Variants in TOPORS observed in about 807,000 individuals in gnomAD.
TOPORS encodes TOP1 binding arginine/serine rich protein, E3 ubiquitin ligase.
Under a neutral mutation model 81.4 loss-of-function variants are expected in TOPORS, and 25 were observed. That is an observed-to-expected ratio of 0.31 (90% CI 0.22 to 0.43). TOPORS has a LOEUF of 0.43. Ranked by LOEUF, TOPORS falls within the 20% of genes least tolerant of loss-of-function variation. The pLI, the probability that TOPORS is intolerant of heterozygous loss-of-function variation, is 1.00. For synonymous variants in TOPORS, 473 were observed against 456.6 expected, an observed-to-expected ratio of 1.04 and a Z score of -0.46; for missense variants, 1,101 against 1,267.0, an observed-to-expected ratio of 0.87 and a Z score of 1.99.
At chr9:32,551,299 G>T (rs915999980) in intron 1 of TOPORS, 2 of 486,460 alleles carry the variant, frequency 4.1e-6, no homozygotes, top group Admixed American at 3.3e-5. Flanking sequence ...AAACTCTGCG[G>T]AAACTTAGGA....
intron 2 of TOPORS, 111 bp downstream of exon 2, chr9:32,550,663 C>G (rs1282248524): frequency 4.7e-6 from 6 of 1,285,572 alleles, no homozygotes; most frequent in Non-Finnish European, 5.5e-6. Flanking sequence ...CCCGGACAGC[C>G]CCGCAGGCCA....
In TOPORS at chr9:32,544,011, C is replaced by CA; in HGVS notation, c.513dup (p.Val172CysfsTer4). 2 of 1,614,104 alleles carry CA rather than the reference C, an allele frequency of 1.2e-6. No homozygotes were observed. The highest frequency in any genetic ancestry group is 1.7e-6 in the Non-Finnish European group (2 of 1,180,024). ...TAGCGAAATCGTCGATCAGGGGTGA[C>CA]AAAAGAACCATTATACGAAGGCCTT... On this transcript the variant is annotated frameshift_variant, in exon 3 of 3. Transcript: ENST00000360538. LOFTEE classifies it high-confidence loss of function.
At chr9:32,551,839 T>G in intron 1 of TOPORS, 1 of 449,724 alleles carries the variant, frequency 2.2e-6, no homozygotes, top group Non-Finnish European at 4.5e-6. Context: ...TTCTTAGAGA[T>G]ATACATTACG....
In TOPORS at chr9:32,543,604, A is replaced by G; in HGVS notation, c.921T>C (p.Leu307=). The change falls in exon 3 of 3, where the codon CTT becomes CTC. Residue 307 remains leucine (L), a synonymous_variant. Coordinates refer to ENST00000360538, the MANE Select transcript of TOPORS (RefSeq NM_005802.5). This position sits in a 1 kb window ranked among gnomAD's most constrained non-coding sequence, Gnocchi z 5.6. ...TCACTAAAGATCCATGAGCTCCAAA[A>G]AGAACTGTAAGTTCACGTTTTAACC... ...VPWLKRELTV[L]FGAHGSLVNI... 1 of 1,611,680 alleles carries G rather than the reference A, an allele frequency of 6.2e-7. No homozygotes were observed. Among genetic ancestry groups the G allele is most frequent in the Non-Finnish European group, 8.5e-7 (1 of 1,178,816 alleles).
chr9:32,542,218 T>G lies in TOPORS; in HGVS notation c.2307A>C (p.Ser769=). The change falls in exon 3 of 3, where the codon TCA becomes TCC. Residue 769 remains serine, a synonymous_variant. Coordinates refer to ENST00000360538, the MANE Select transcript of TOPORS (RefSeq NM_005802.5). ...TTGATCTGTTACTAGACAGGCTCCT[T>G]GATCTGTGCCTTTCATAGTAGTAAT... ...RKYYYYERHR[S]RSLSSNRSRT... 1 of 1,614,228 alleles carries G rather than the reference T, an allele frequency of 6.2e-7. No individual in the cohort carries two copies. The highest frequency in any genetic ancestry group is 1.3e-5 in the African/African-American group (1 of 75,060).
In TOPORS at chr9:32,544,117, A is replaced by G; in HGVS notation, c.408T>C (p.Ala136=). 6.2e-7 allele frequency: 1 copy of G among 1,614,198 alleles called. No homozygotes were observed. Among genetic ancestry groups the G allele is most frequent in the South Asian group, 1.1e-5 (1 of 91,086 alleles). Reference sequence around the variant, plus strand: ...AGGGCTGTTTACATAGTGGGCATTCAGCTTTGTTTTTTGACCACTCCTGTA... The same window carrying G: ...AGGGCTGTTTACATAGTGGGCATTCGGCTTTGTTTTTTGACCACTCCTGTA... ...RCVQEWSKNK[A]ECPLCKQPFD... is the part of the protein sequence containing the mutation. Residue 136 remains alanine (A), a synonymous_variant, in exon 3 of 3, where the codon GCT becomes GCC. Transcript: ENST00000360538.
chr9:32,551,039 TC>T (rs1821240815), intron 1 of TOPORS, 71 bp from the exon 2 acceptor site: 1 of 1,541,338 alleles, frequency 6.5e-7, no homozygotes, highest in Non-Finnish European at 8.8e-7. Context: ...ACCCCCCAGC[TC>T]CCGCGCATCA....
At chr9:32,550,255 G>A (rs1393291859) in intron 2 of TOPORS, among the ~76,000 whole-genome samples, 1 of 152,136 alleles carries the variant, frequency 6.6e-6, no homozygotes, top group Non-Finnish European at 1.5e-5. Context: ...AACAAGTCAC[G>A]GGCAATTTCT....
Position 32,541,331 on chromosome 9 carries a change from T to C in TOPORS, c.*56A>G, listed in dbSNP as rs1821052883. On this transcript the variant is annotated 3_prime_UTR_variant, in exon 3 of 3. Coordinates refer to ENST00000360538, the MANE Select transcript of TOPORS (RefSeq NM_005802.5). ...TTTAAATAGACTGCAGTAGACGACA[T>C]TCTTCCTTTTTCCTTTTTATAACAT... is the stretch of plus-strand genomic sequence containing the variant. 6.4e-7 allele frequency: 1 copy of C among 1,566,858 alleles called. No individual in the cohort carries two copies. The highest frequency in any genetic ancestry group is 8.8e-7 in the Non-Finnish European group (1 of 1,140,188).
intron 2 of TOPORS, among the ~76,000 whole-genome samples, chr9:32,548,482 C>A (rs1432271274): frequency 6.6e-6 from 1 of 151,950 alleles, no homozygotes; most frequent in Admixed American, 6.5e-5. Flanking sequence ...GCCGAGATTA[C>A]GCCACTGCAC....
chr9:32,541,744 G>A lies in TOPORS; in HGVS notation c.2781C>T (p.Asp927=), dbSNP rs776399111. ...GTAGAGGGTCTTGAGGACCACTATT[G>A]TCACATTCTGTATCCTCCTTTACTT... ...DSEVKEDTEC[D]NSGPQDPLQN... is the part of the protein sequence containing the mutation. Residue 927 remains aspartate, a synonymous_variant, in exon 3 of 3, where the codon GAC becomes GAT. Coordinates refer to ENST00000360538, the MANE Select transcript of TOPORS (RefSeq NM_005802.5). 2.8e-5 allele frequency: 46 copies of A among 1,614,056 alleles called. No homozygotes were observed. The highest frequency in any genetic ancestry group is 5.3e-5 in the African/African-American group (4 of 74,918).
chr9:32,542,590 T>C lies in TOPORS; in HGVS notation c.1935A>G (p.Arg645=). The change falls in exon 3 of 3, where the codon AGA becomes AGG. Residue 645 remains arginine (R), a synonymous_variant. Coordinates refer to ENST00000360538, the MANE Select transcript of TOPORS (RefSeq NM_005802.5). ...ACCAACTGCTATCTCTAGTTCTTGA[T>C]CTCTTTTTGTCTCTTCTCCCTCTAG... is the stretch of plus-strand genomic sequence containing the variant. ...SRPRGRRDKK[R]SRTRDSSWSR... 6.2e-7 allele frequency: 1 copy of C among 1,614,116 alleles called. No individual in the cohort carries two copies. Among genetic ancestry groups the C allele is most frequent in the Non-Finnish European group, 8.5e-7 (1 of 1,180,026 alleles).
rs770894688 is a variant in TOPORS, at chr9:32,541,843, C to T, written c.2682G>A (p.Lys894=). Reference sequence around the variant, plus strand: ...GTGAAGCATTATCTCCATGGTGTTTCTTATGCTTCTTCTTATGTTTCTTCT... The same window carrying T: ...GTGAAGCATTATCTCCATGGTGTTTTTTATGCTTCTTCTTATGTTTCTTCT... ...KKKKKHKKKH[K]KHHGDNASRS... Residue 894 remains lysine (K), a synonymous_variant, in exon 3 of 3, where the codon AAG becomes AAA. Transcript: ENST00000360538. The T allele has an allele frequency of 6.2e-7, 1 of 1,614,098 alleles. No homozygotes were observed. Among genetic ancestry groups the T allele is most frequent in the Non-Finnish European group, 8.5e-7 (1 of 1,180,002 alleles).
At position 32,541,772 on chromosome 9, in the gene TOPORS, G is replaced by C. The variant is rs142671355; in HGVS notation, c.2753C>G (p.Ser918Cys). The change falls in exon 3 of 3, where the codon TCT (serine) becomes TGT (cysteine). Residue 918 changes from serine to cysteine, a missense_variant. Coordinates refer to ENST00000360538, the MANE Select transcript of TOPORS (RefSeq NM_005802.5). ...ITIDSDSDKDSEVKEDTECDN... is the reference protein window; with the variant it reads ...ITIDSDSDKDCEVKEDTECDN... ...ACATTCTGTATCCTCCTTTACTTCA[G>C]AATCCTTATCACTGTCACTGTCAAT... 8 of 1,614,048 alleles carry C rather than the reference G, an allele frequency of 5.0e-6. No individual in the cohort carries two copies. Among genetic ancestry groups the C allele is most frequent in the Non-Finnish European group, 6.8e-6 (8 of 1,180,038 alleles).
chr9:32,549,196 A>G (rs1821183758), intron 2 of TOPORS, among the ~76,000 whole-genome samples: 2 of 152,188 alleles, frequency 1.3e-5, no homozygotes, highest in South Asian at 4.1e-4. Context: ...AGTCCCAGCT[A>G]GTCGGGAGAC....
chr9:32,545,774 C>G (rs1587623698), intron 2 of TOPORS, among the ~76,000 whole-genome samples: 1 of 152,024 alleles, frequency 6.6e-6, no homozygotes, highest in Non-Finnish European at 1.5e-5. Context: ...AAACAAACAA[C>G]AACAAAAAAC....
rs1039090371 is a variant in TOPORS at position 32,540,772 on chromosome 9, T to A, written c.*615A>T. 2 of 152,646 alleles carry A rather than the reference T, an allele frequency of 1.3e-5. No homozygotes were observed. Among genetic ancestry groups the A allele is most frequent in the African/African-American group, 2.4e-5 (1 of 41,450 alleles). The allele number at this position is 152,646 out of a possible 1,614,324, so 9.5% of individuals were successfully genotyped here. ...AATACTGCATAGGAAAATGTCTGAT[T>A]CTTGTTTTAAAGTGTTACTGTTTTA... On this transcript the variant is annotated 3_prime_UTR_variant, in exon 3 of 3. Coordinates refer to ENST00000360538, the MANE Select transcript of TOPORS (RefSeq NM_005802.5).
At chr9:32,551,783 T>G in intron 1 of TOPORS, 1 of 453,226 alleles carries the variant, frequency 2.2e-6, no homozygotes, top group South Asian at 1.6e-5. Context: ...CAAACACTTG[T>G]TGCTTGACTG....
Position 32,550,717 on chromosome 9 carries a change from C to G in TOPORS, c.198+57G>C, listed in dbSNP as rs894466542. The G allele has an allele frequency of 5.7e-6, 9 of 1,592,460 alleles. No homozygotes were observed. The East Asian group carries it at 2.0e-4, about 36-fold the overall frequency. ...CCCGAGGCGCCGCTCCAGGCGGGAGCGCCAACTCCCACGGCCCTTCCGACC... is the reference window on the plus strand; with the variant it reads ...CCCGAGGCGCCGCTCCAGGCGGGAGGGCCAACTCCCACGGCCCTTCCGACC... On this transcript the variant is annotated intron_variant, in intron 2 of 2. Transcript: ENST00000360538.
Sources: gnomAD v4.1 joint callset for allele counts (sites outside exome capture counted in the v4.1 genomes callset) on GRCh38, gnomAD v4.1.1 for gene constraint, Gnocchi (gnomAD v3.1) non-coding constraint, MANE v1.5 for transcripts, NCBI Gene and HGNC (gene_info 2026-07-23, HGNC 2026-07-21) for gene names.